ACCSL: variants seen among roughly 807,000 people sequenced by gnomAD.
ACCSL encodes 1-aminocyclopropane-1-carboxylate synthase homolog (inactive) like.
ACCSL carries 55 observed loss-of-function variants against 61.7 expected under a neutral mutation model. The ratio of observed to expected loss-of-function variants is 0.89; its 90% CI spans 0.72 to 1.12. The LOEUF (loss-of-function observed/expected upper bound fraction) is 1.12, where lower values mean the gene tolerates loss of function less well. Ranked by LOEUF, ACCSL falls within the 50% of genes most tolerant of loss-of-function variation. The pLI is 0.00. For synonymous variants in ACCSL, 258 were observed against 264.3 expected (o/e 0.98, Z 0.23); for missense variants, 632 against 698.0 (o/e 0.91, Z 1.07).
chr11:43,964,233 A>G, the ACCSL span, among the ~76,000 whole-genome samples: 79,708 of 151,742 alleles, frequency 0.53, 21,157 homozygotes, highest in East Asian at 0.61. Flanking sequence ...CATGAGGTCA[A>G]GAGATCGAGA....
chr11:44,003,161 G>T, the ACCSL span, among the ~76,000 whole-genome samples: 2 of 152,110 alleles, frequency 1.3e-5, no homozygotes, highest in African/African-American at 4.8e-5. Flanking sequence ...AGAATGAGGA[G>T]AAAAATTATG....
chr11:43,943,294 G>C, the ACCSL span: 1 of 1,462,088 alleles, frequency 6.8e-7, no homozygotes, highest in East Asian at 2.9e-5. This position sits in a 1 kb window ranked among gnomAD's most constrained non-coding sequence, Gnocchi z 4.8. Flanking sequence ...CCGCGGGGGG[G>C]ACGCGCGCGT....
At chr11:44,045,479 T>C (rs189873770), upstream of ACCSL, among the ~76,000 whole-genome samples, 7 of 152,150 alleles carry the variant, frequency 4.6e-5, no homozygotes, top group East Asian at 1.4e-3. Context: ...CCAAAACATT[T>C]TTACCAGGAA....
At chr11:44,055,417 T>A in intron 9 of ACCSL, 126 bp downstream of exon 9, 1 of 611,596 alleles carries the variant, frequency 1.6e-6, no homozygotes. Context: ...ACAGGGCCTG[T>A]GAATACAAAC....
At chr11:43,977,279 G>A in the ACCSL span, among the ~76,000 whole-genome samples, 5 of 152,346 alleles carry the variant, frequency 3.3e-5, no homozygotes, top group African/African-American at 1.2e-4. Flanking sequence ...GGATTAGGCT[G>A]CAGATGGAAT....
the ACCSL span, among the ~76,000 whole-genome samples, chr11:43,968,752 G>A: frequency 6.6e-6 from 1 of 152,176 alleles, no homozygotes; most frequent in African/African-American, 2.4e-5. Context: ...GGGATGGCGA[G>A]TGGTGAGATT....
chr11:44,003,200 A>G, the ACCSL span, among the ~76,000 whole-genome samples: 3 of 152,246 alleles, frequency 2.0e-5, no homozygotes, highest in Admixed American at 6.5e-5. Context: ...TGTTCCAAGT[A>G]TAAGCCAAAG....
At chr11:43,944,180 GCT>G in the ACCSL span, 1 of 314,412 alleles carries the variant, frequency 3.2e-6, no homozygotes, top group African/African-American at 2.2e-5. Context: ...ACGATGGAGA[GCT>G]CTCTCCTCCG....
At chr11:44,026,222 T>G in the ACCSL span, among the ~76,000 whole-genome samples, 1 of 152,234 alleles carries the variant, frequency 6.6e-6, no homozygotes, top group Non-Finnish European at 1.5e-5. Flanking sequence ...TTATTCTTTT[T>G]TCTTTCTGCT....
At chr11:44,043,141 A>G (rs74789406), upstream of ACCSL, among the ~76,000 whole-genome samples, 11,946 of 152,212 alleles carry the variant, frequency 0.078, 478 homozygotes, top group Non-Finnish European at 0.09. Flanking sequence ...CTATAGCTAC[A>G]TTTTAAATCT....
the ACCSL span, among the ~76,000 whole-genome samples, chr11:44,021,355 T>C: frequency 3.9e-5 from 6 of 152,232 alleles, no homozygotes; most frequent in African/African-American, 1.4e-4. Context: ...TTGATTTGTA[T>C]TTCCATGATA....
chr11:44,055,965 T>C, intron 9 of ACCSL, 75 bp from the exon 10 acceptor site: 1 of 1,567,474 alleles, frequency 6.4e-7, no homozygotes, highest in Non-Finnish European at 8.8e-7. Flanking sequence ...TCAAATCTAC[T>C]TTCCCCTCTT....
chr11:43,943,101 TGGA>T, the ACCSL span: 6 of 1,491,656 alleles, frequency 4.0e-6, no homozygotes, highest in Admixed American at 4.7e-5. This position sits in a 1 kb window ranked among gnomAD's most constrained non-coding sequence, Gnocchi z 4.8. Context: ...ATCCAGGAGG[TGGA>T]GGAGGAGGGG....
At chr11:43,994,265 C>G in the ACCSL span, among the ~76,000 whole-genome samples, 1 of 152,216 alleles carries the variant, frequency 6.6e-6, no homozygotes, top group African/African-American at 2.4e-5. Context: ...TGTTCACCAT[C>G]TCAGGAAATA....
Position 44,057,428 on chromosome 11 carries a change from A to G in ACCSL, c.1328-889A>G, listed in dbSNP as rs188663700. Among the ~76,000 whole-genome samples, 444 of 152,356 alleles carry G rather than the reference A, an allele frequency of 2.9e-3. 2 individuals carry two copies. Among genetic ancestry groups the G allele is most frequent in the Non-Finnish European group, 1.4e-3 (96 of 68,040 alleles). On this transcript the variant is annotated intron_variant, in intron 11 of 13. Coordinates refer to ENST00000378832, the MANE Select transcript of ACCSL (RefSeq NM_001031854.2). ...TATCAAGACCTTTGATACTTGGCAG[A>G]AACCAGATCCCAGCCCCTTGAACGC...
chr11:43,943,960 A>T, the ACCSL span: 2 of 904,836 alleles, frequency 2.2e-6, no homozygotes, highest in Non-Finnish European at 3.0e-6. This position sits in a 1 kb window ranked among gnomAD's most constrained non-coding sequence, Gnocchi z 4.8. Context: ...AGGAGGTGGC[A>T]GGGGGATGTC....
the ACCSL span, among the ~76,000 whole-genome samples, chr11:43,932,399 C>T: frequency 6.6e-6 from 1 of 152,214 alleles, no homozygotes; most frequent in African/African-American, 2.4e-5. Context: ...CCCCGAGCAG[C>T]TGGGACCACA....
the ACCSL span, among the ~76,000 whole-genome samples, chr11:43,980,662 G>T: frequency 3.9e-5 from 6 of 152,114 alleles, no homozygotes; most frequent in Admixed American, 1.3e-4. Context: ...GAATAATAAT[G>T]CTTTGCTTGT....
the ACCSL span, among the ~76,000 whole-genome samples, chr11:44,015,735 T>G: frequency 6.6e-6 from 1 of 152,200 alleles, no homozygotes; most frequent in Non-Finnish European, 1.5e-5. Flanking sequence ...GATGGTGTAC[T>G]AGAAAGAGCC....
Sources: gnomAD v4.1 joint callset for allele counts (sites outside exome capture counted in the v4.1 genomes callset) on GRCh38, gnomAD v4.1.1 for gene constraint, Gnocchi (gnomAD v3.1) non-coding constraint, MANE v1.5 for transcripts, NCBI Gene and HGNC (gene_info 2026-07-23, HGNC 2026-07-21) for gene names.